Variants in PDGFC observed in about 807,000 individuals in gnomAD.
PDGFC encodes the protein platelet derived growth factor C.
Under a neutral mutation model 35.5 loss-of-function variants are expected in PDGFC, and 12 were observed. The observed-to-expected ratio is 0.34, with a 90% CI of 0.22 to 0.55. The LOEUF is 0.55. Among genes scored for constraint, PDGFC ranks in the 20% least tolerant of loss-of-function variants. PDGFC has a pLI of 0.91. For synonymous variants in PDGFC, 159 were observed against 148.8 expected (o/e 1.07, Z -0.50); for missense variants, 322 against 412.4 (o/e 0.78, Z 1.90).
At chr4:156,820,413 C>T (rs1732218232) in intron 2 of PDGFC, among the ~76,000 whole-genome samples, 1 of 152,136 alleles carries the variant, frequency 6.6e-6, no homozygotes, top group African/African-American at 2.4e-5. Flanking sequence ...TCAATAAGCA[C>T]CACCATGATC....
intron 1 of PDGFC, among the ~76,000 whole-genome samples, chr4:156,914,581 C>A (rs950712706): frequency 6.6e-6 from 1 of 152,184 alleles, no homozygotes; most frequent in East Asian, 1.9e-4. Flanking sequence ...ATAATTCAAC[C>A]TCCTTACTAA....
At chr4:156,912,881 T>C (rs1466670520) in intron 1 of PDGFC, among the ~76,000 whole-genome samples, 1 of 151,998 alleles carries the variant, frequency 6.6e-6, no homozygotes, top group Non-Finnish European at 1.5e-5. Flanking sequence ...GCTGCTAAAA[T>C]AGCTGGAGGG....
rs1337095320 is a variant in PDGFC at position 156,761,793 on chromosome 4, T to C, written c.*1297A>G. ...TGGTTAAGAGACATACTTCTGTACA[T>C]AAAAATATCCATGTATTTATACAAG... On this transcript the variant is annotated 3_prime_UTR_variant, in exon 6 of 6. Transcript: ENST00000502773. 3.9e-5 allele frequency: 6 copies of C among 152,656 alleles called. No individual in the cohort carries two copies. Among genetic ancestry groups the C allele is most frequent in the African/African-American group, 1.4e-4 (6 of 41,462 alleles). 9.5% of individuals were successfully genotyped at this position (152,656 alleles called of 1,614,324 possible). A position where few individuals can be genotyped will look rare whatever the true frequency, so the allele number is the denominator to read the frequency against.
intron 2 of PDGFC, among the ~76,000 whole-genome samples, chr4:156,840,642 C>T (rs186189295): frequency 1.3e-4 from 20 of 152,154 alleles, no homozygotes; most frequent in African/African-American, 4.8e-4. Context: ...AATTGTAGGT[C>T]CATCAACAGC....
chr4:156,962,701 A>G (rs991477900), intron 1 of PDGFC, among the ~76,000 whole-genome samples: 1 of 152,162 alleles, frequency 6.6e-6, no homozygotes. Flanking sequence ...TTGGAGTCAG[A>G]CCAAGGTCCA....
chr4:156,900,912 G>A, intron 1 of PDGFC, among the ~76,000 whole-genome samples: 1 of 145,328 alleles, frequency 6.9e-6, no homozygotes, highest in Non-Finnish European at 1.5e-5. Context: ...AGGAAGGGAG[G>A]GAGGGAGAGA....
chr4:156,799,805 AG>A (rs1249568332), intron 3 of PDGFC, among the ~76,000 whole-genome samples: 1 of 152,162 alleles, frequency 6.6e-6, no homozygotes, highest in East Asian at 1.9e-4. Flanking sequence ...TTTTTAAAAA[AG>A]CTTCTTGTTT....
At chr4:156,922,466 A>G (rs1187989753) in intron 1 of PDGFC, among the ~76,000 whole-genome samples, 1 of 152,226 alleles carries the variant, frequency 6.6e-6, no homozygotes, top group Non-Finnish European at 1.5e-5. Context: ...CATACAATTA[A>G]CATATGGTGT....
intron 1 of PDGFC, among the ~76,000 whole-genome samples, chr4:156,903,408 T>C (rs1730841363): frequency 6.6e-6 from 1 of 152,056 alleles, no homozygotes; most frequent in Non-Finnish European, 1.5e-5. Flanking sequence ...CACAAAGAGC[T>C]GACCACAAGG....
At chr4:156,883,617 G>T (rs144446460) in intron 1 of PDGFC, among the ~76,000 whole-genome samples, 2 of 152,176 alleles carry the variant, frequency 1.3e-5, no homozygotes, top group African/African-American at 2.4e-5. Flanking sequence ...CTAGAATACC[G>T]CCAGTGACCA....
intron 1 of PDGFC, among the ~76,000 whole-genome samples, chr4:156,859,184 A>C (rs1476415763): frequency 6.6e-6 from 1 of 152,086 alleles, no homozygotes; most frequent in Non-Finnish European, 1.5e-5. Context: ...AAAAATAAGA[A>C]AATAGAAACA....
At chr4:156,871,785 C>G (rs1729990051) in intron 1 of PDGFC, among the ~76,000 whole-genome samples, 1 of 151,818 alleles carries the variant, frequency 6.6e-6, no homozygotes, top group African/African-American at 2.4e-5. Context: ...ATAAGTGTTA[C>G]AGGACAGTGT....
chr4:156,776,175 AG>A (rs1222111573), intron 3 of PDGFC, among the ~76,000 whole-genome samples: 2 of 152,256 alleles, frequency 1.3e-5, no homozygotes, highest in South Asian at 4.1e-4. Context: ...TCTCTAACAA[AG>A]TAACACTGTT....
In PDGFC at chr4:156,804,584, T is replaced by C. The variant is rs572751785; in HGVS notation, c.495+6253A>G. Among the ~76,000 whole-genome samples the C allele has an allele frequency of 1.1e-4, 17 of 152,092 alleles. 1 individual carries two copies. In the South Asian group the frequency reaches 3.5e-3, roughly 32 times the overall value. Reference sequence around the variant, plus strand: ...ACCACTCAACATGACACTCACATACTGCATTTTTATAGGTATTTTTTTCCT... The same window carrying C: ...ACCACTCAACATGACACTCACATACCGCATTTTTATAGGTATTTTTTTCCT... On this transcript the variant is annotated intron_variant, in intron 3 of 5. Coordinates refer to ENST00000502773, the MANE Select transcript of PDGFC (RefSeq NM_016205.3).
In PDGFC at chr4:156,861,690, C is replaced by T. The variant is rs191405855; in HGVS notation, c.119-11274G>A. Among the ~76,000 whole-genome samples, 126 of 151,858 alleles carry T rather than the reference C, an allele frequency of 8.3e-4. No homozygotes were observed. In the South Asian group the frequency reaches 0.015, roughly 18 times the overall value. On this transcript the variant is annotated intron_variant, in intron 1 of 5. Coordinates refer to ENST00000502773, the MANE Select transcript of PDGFC (RefSeq NM_016205.3). ...ACATTTGTACTAATCTTTAAGGGAG[C>T]GGGTCTTGGCTGGCATAGAAAAAAA...
At chr4:156,825,551 A>AAATAATAATAATAATAAT (rs565531965) in intron 2 of PDGFC, among the ~76,000 whole-genome samples, 1 of 93,938 alleles carries the variant, frequency 1.1e-5, no homozygotes, top group Non-Finnish European at 2.0e-5. Flanking sequence ...CCCTGTCTCC[A>AAATAATAATAATAATAAT]AATAATAATA....
chr4:156,921,666 T>C (rs888451859), intron 1 of PDGFC, among the ~76,000 whole-genome samples: 6 of 152,106 alleles, frequency 3.9e-5, no homozygotes, highest in Non-Finnish European at 1.5e-5. Context: ...AGTAATATTA[T>C]CACTCTGAGC....
At chr4:156,835,120 A>C (rs543799104) in intron 2 of PDGFC, among the ~76,000 whole-genome samples, 77 of 152,364 alleles carry the variant, frequency 5.1e-4, no homozygotes, top group African/African-American at 1.7e-3. Context: ...ATTTCCAGAA[A>C]ATTGATTTTC....
intron 3 of PDGFC, among the ~76,000 whole-genome samples, chr4:156,784,603 A>C (rs1195722518): frequency 6.6e-6 from 1 of 152,196 alleles, no homozygotes; most frequent in Non-Finnish European, 1.5e-5. Context: ...AGAATCATAG[A>C]TTTATGAGAA....
Sources: allele counts gnomAD v4.1 joint callset (sites outside exome capture counted in the v4.1 genomes callset), GRCh38; gene constraint gnomAD v4.1.1; transcripts MANE v1.5; gene names NCBI Gene and HGNC (gene_info 2026-07-23, HGNC 2026-07-21).